Variants in KAZN observed in about 807,000 individuals in gnomAD.
KAZN encodes the protein kazrin.
KAZN carries 40 observed loss-of-function variants against 87.4 expected under a neutral mutation model. The observed-to-expected ratio is 0.46, with a 90% confidence interval of 0.36 to 0.60. KAZN has a LOEUF of 0.60. KAZN is among the 20% of genes least tolerant of loss of function. KAZN has a pLI of 0.00. For synonymous variants in KAZN, 466 were observed against 458.3 expected (o/e 1.02, Z -0.22); for missense variants, 898 against 1,073.9 (o/e 0.84, Z 2.29).
Position 14,951,964 on chromosome 1 carries a change from G to A in KAZN, c.227-8720G>A, listed in dbSNP as rs115676284. Among the ~76,000 whole-genome samples, 1,515 of 152,250 alleles carry A rather than the reference G, an allele frequency of 1.0e-2. 22 individuals are homozygous for A. Among genetic ancestry groups the A allele is most frequent in the African/African-American group, 0.024 (983 of 41,514 alleles). On this transcript the variant is annotated intron_variant, in intron 1 of 14. Coordinates refer to ENST00000376030, the MANE Select transcript of KAZN (RefSeq NM_201628.3). ...CTGCTGGACCAGTGCATGGCAGGGCGGCCGCAGAGCCCAGCAGACCTGGGC... is the reference window on the plus strand; with the variant it reads ...CTGCTGGACCAGTGCATGGCAGGGCAGCCGCAGAGCCCAGCAGACCTGGGC...
chr1:14,005,457 G>A (rs1372891579), intron 1 of KAZN, among the ~76,000 whole-genome samples: 1 of 152,180 alleles, frequency 6.6e-6, no homozygotes, highest in Non-Finnish European at 1.5e-5. Flanking sequence ...AGTGCTGGAG[G>A]TTATTGGGCA....
In KAZN at chr1:14,579,705, G is replaced by A. The variant is rs149074865; in HGVS notation, c.250-19278G>A. The stretch of plus-strand genomic sequence containing the variant: ...CACTGCTGAAAAAAAAATTTTTTTA[G>A]CATGCCTTAATCATCTGATTCAGAA... On this transcript the variant is annotated intron_variant, in intron 2 of 16. Coordinates refer to the KAZN transcript ENST00000636203. 1.1e-3 allele frequency among the ~76,000 whole-genome samples: 160 copies of A among 151,782 alleles called. 1 individual carries two copies. Among genetic ancestry groups the A allele is most frequent in the African/African-American group, 3.8e-3 (156 of 41,374 alleles).
intron 1 of KAZN, among the ~76,000 whole-genome samples, chr1:14,847,067 CT>C (rs1648866161): frequency 2.6e-5 from 4 of 152,142 alleles, no homozygotes; most frequent in Admixed American, 2.6e-4. Context: ...CTCCCCTATT[CT>C]TTTACTGCTT....
chr1:15,055,948 C>T (rs1435317205), intron 4 of KAZN, 143 bp from the exon 5 acceptor site: 5 of 771,730 alleles, frequency 6.5e-6, no homozygotes, highest in Non-Finnish European at 1.1e-5. Flanking sequence ...GCTTGACTTA[C>T]CAATTGACGC....
In KAZN at chr1:14,183,152, T is replaced by C. The variant is rs369198159; in HGVS notation, c.249+2560T>C. 2.5e-4 allele frequency among the ~76,000 whole-genome samples: 38 copies of C among 152,132 alleles called. No individual in the cohort carries two copies. The East Asian group carries it at 2.5e-3, about 10-fold the overall frequency. On this transcript the variant is annotated intron_variant, in intron 2 of 16. Coordinates refer to the KAZN transcript ENST00000636203. ...CATAATCGATTCAAGTCACATCTGT[T>C]TGGAAGCAATAAATCCTGCTTAGGA...
chr1:14,557,251 G>A (rs1673939839), intron 2 of KAZN, among the ~76,000 whole-genome samples: 1 of 152,064 alleles, frequency 6.6e-6, no homozygotes, highest in Non-Finnish European at 1.5e-5. Context: ...AGAAAATATG[G>A]GAGACATTTG....
At chr1:14,235,052 T>A (rs540903900) in intron 2 of KAZN, among the ~76,000 whole-genome samples, 1 of 152,350 alleles carries the variant, frequency 6.6e-6, no homozygotes, top group South Asian at 2.1e-4. Context: ...CCCCAAAGAA[T>A]TGCGGTGTAT....
intron 1 of KAZN, among the ~76,000 whole-genome samples, chr1:13,937,734 T>G (rs1315694487): frequency 6.6e-6 from 1 of 152,230 alleles, no homozygotes. Context: ...AGTTTTATTC[T>G]TTTGTAAATG....
intron 2 of KAZN, among the ~76,000 whole-genome samples, chr1:14,370,445 T>C (rs1660385954): frequency 6.6e-6 from 1 of 152,160 alleles, no homozygotes; most frequent in Non-Finnish European, 1.5e-5. Flanking sequence ...TCTCCCTCCC[T>C]TCCCCCAAGG....
intron 7 of KAZN, among the ~76,000 whole-genome samples, chr1:15,065,027 C>CTTTCT (rs1553183916): frequency 2.7e-4 from 28 of 102,748 alleles, no homozygotes; most frequent in African/African-American, 1.0e-3. Flanking sequence ...CTTTTTCTTT[C>CTTTCT]TTTTTTTTTT....
chr1:14,778,573 C>G, intron 1 of KAZN, among the ~76,000 whole-genome samples: 1 of 152,046 alleles, frequency 6.6e-6, no homozygotes, highest in East Asian at 1.9e-4. Context: ...ATTTTTATTT[C>G]TCAGTACTAA....
At chr1:13,895,533 A>G (rs1010164316) in intron 1 of KAZN, among the ~76,000 whole-genome samples, 23 of 151,944 alleles carry the variant, frequency 1.5e-4, no homozygotes, top group African/African-American at 4.8e-5. Flanking sequence ...CAGGGAGAAC[A>G]CTCTCCCTGA....
At chr1:14,108,404 G>T (rs541892714) in intron 1 of KAZN, among the ~76,000 whole-genome samples, 1 of 152,202 alleles carries the variant, frequency 6.6e-6, no homozygotes, top group Admixed American at 6.5e-5. Flanking sequence ...TGCTCTAATT[G>T]TGTCCAGTTC....
chr1:13,919,480 G>T (rs1208658060), intron 1 of KAZN, among the ~76,000 whole-genome samples: 1 of 152,090 alleles, frequency 6.6e-6, no homozygotes. Context: ...ATTTCTAGTT[G>T]GGACCATTAT....
At chr1:14,013,318 T>C (rs544951998) in intron 1 of KAZN, among the ~76,000 whole-genome samples, 97 of 152,310 alleles carry the variant, frequency 6.4e-4, no homozygotes, top group African/African-American at 2.3e-3. Flanking sequence ...AAGTTGTTCC[T>C]CGATCTAGGT....
At chr1:14,374,549 T>C (rs1660751740) in intron 2 of KAZN, among the ~76,000 whole-genome samples, 1 of 152,158 alleles carries the variant, frequency 6.6e-6, no homozygotes, top group African/African-American at 2.4e-5. Context: ...CCCTTTTTTT[T>C]CACCAATGAA....
chr1:14,845,664 C>T (rs1427062770), intron 1 of KAZN, among the ~76,000 whole-genome samples: 1 of 152,118 alleles, frequency 6.6e-6, no homozygotes, highest in Non-Finnish European at 1.5e-5. Flanking sequence ...TCCCAGATTG[C>T]CCCCATGATA....
chr1:14,237,113 T>G (rs2100562886), intron 2 of KAZN, among the ~76,000 whole-genome samples: 1 of 152,316 alleles, frequency 6.6e-6, no homozygotes, highest in East Asian at 1.9e-4. Context: ...AGGTACTAAG[T>G]GTGACCCTTT....
At chr1:14,955,938 C>T (rs1663039751) in intron 1 of KAZN, among the ~76,000 whole-genome samples, 1 of 152,126 alleles carries the variant, frequency 6.6e-6, no homozygotes, top group Non-Finnish European at 1.5e-5. Flanking sequence ...ACAAGATGCC[C>T]AGTTAAATTT....
Sources: allele counts gnomAD v4.1 joint callset (sites outside exome capture counted in the v4.1 genomes callset), GRCh38; gene constraint gnomAD v4.1.1; transcripts MANE v1.5; gene names NCBI Gene and HGNC (gene_info 2026-07-23, HGNC 2026-07-21).